Variants in ECRG4 observed in about 807,000 individuals in gnomAD.
The protein encoded by ECRG4 is augurin.
In ECRG4, 18 loss-of-function variants were observed where a neutral mutation model predicts 15.8. The observed-to-expected ratio is 1.14, with a 90% CI of 0.79 to 1.69. ECRG4 has a LOEUF of 1.69. Among genes scored for constraint, ECRG4 ranks in the 40% most tolerant of loss-of-function variants. The probability of loss-of-function intolerance (pLI) is 0.00; values close to 1 mark genes in which losing one functional copy is unlikely to be tolerated. For missense variants in ECRG4, 200 were observed against 190.9 expected, an observed-to-expected ratio of 1.05 and a Z score of -0.28; for synonymous variants, 82 against 73.9, an observed-to-expected ratio of 1.11 and a Z score of -0.56.
intron 2 of ECRG4, among the ~76,000 whole-genome samples, chr2:106,073,443 TA>T (rs1676413568): frequency 6.6e-6 from 1 of 152,176 alleles, no homozygotes; most frequent in South Asian, 2.1e-4. Context: ...TTTTCTTACA[TA>T]ATCTCCTGAG....
upstream of ECRG4, among the ~76,000 whole-genome samples, chr2:106,065,059 T>G (rs1380908117): frequency 6.6e-6 from 1 of 152,100 alleles, no homozygotes; most frequent in Non-Finnish European, 1.5e-5. Context: ...GCTTTTCTAT[T>G]GGAGAAGTTT....
rs763743242 is a variant in ECRG4, at chr2:106,074,048, G to GTGTT, written c.285+6_285+9dup. The GTGTT allele has an allele frequency of 1.1e-5, 18 of 1,610,338 alleles. No individual in the cohort carries two copies. The Admixed American group carries it at 3.0e-4, about 27-fold the overall frequency. ...TACATGGGCTTTGACGAAGCGGTAG[G>GTGTT]TGTTGCCTCCGGCTGCAGGCCTGGC... On this transcript the variant is annotated splice_donor_region_variant and intron_variant, in intron 3 of 3. Coordinates refer to ENST00000238044, the MANE Select transcript of ECRG4 (RefSeq NM_032411.3).
intron 1 of ECRG4, among the ~76,000 whole-genome samples, chr2:106,067,515 G>T (rs1444357158): frequency 2.0e-5 from 3 of 151,582 alleles, no homozygotes; most frequent in Non-Finnish European, 2.9e-5. Context: ...TGTTGCCCAG[G>T]CTGGAGTGTA....
rs776235817 is a variant in ECRG4, at chr2:106,065,785, G to A, written c.21G>A (p.Arg7=). The change falls in exon 1 of 4, where the codon CGG becomes CGA. Residue 7 remains arginine, a synonymous_variant. Coordinates refer to ENST00000238044, the MANE Select transcript of ECRG4 (RefSeq NM_032411.3). MAASPA[R]PAVLALTGLA... is the part of the protein sequence containing the mutation. ...CCGCCATGGCTGCCTCCCCCGCGCG[G>A]CCTGCTGTCCTGGCCCTGACCGGGC... The A allele has an allele frequency of 6.7e-7, 1 of 1,483,308 alleles. No homozygotes were observed. The highest frequency in any genetic ancestry group is 2.9e-5 in the East Asian group (1 of 33,964). 91.9% of individuals were successfully genotyped at this position (1,483,308 alleles called of 1,614,324 possible). A position where few individuals can be genotyped will look rare whatever the true frequency, so the allele number is the denominator to read the frequency against.
chr2:106,070,075 G>A (rs556865763), intron 1 of ECRG4, among the ~76,000 whole-genome samples: 334 of 152,252 alleles, frequency 2.2e-3, no homozygotes, highest in South Asian at 4.6e-3. Flanking sequence ...CCTTCAGTGT[G>A]GTCCCTAGAG....
intron 3 of ECRG4, among the ~76,000 whole-genome samples, chr2:106,075,816 A>G (rs1676476690): frequency 6.6e-6 from 1 of 152,264 alleles, no homozygotes; most frequent in Admixed American, 6.5e-5. Context: ...AAATAAGATT[A>G]CAGTAACTTA....
chr2:106,075,866 C>T (rs1171842772), intron 3 of ECRG4, among the ~76,000 whole-genome samples: 1 of 152,194 alleles, frequency 6.6e-6, no homozygotes, highest in African/African-American at 2.4e-5. Context: ...ATCCAAGTGT[C>T]ACTAGTGGTC....
chr2:106,070,943 G>A (rs1372150862), intron 1 of ECRG4: 1 of 471,312 alleles, frequency 2.1e-6, no homozygotes, highest in Non-Finnish European at 4.4e-6. Flanking sequence ...AGGGTCAGAG[G>A]CTCCTATAGG....
intron 1 of ECRG4, among the ~76,000 whole-genome samples, chr2:106,069,172 TTTC>T (rs1676296476): frequency 2.5e-5 from 2 of 80,352 alleles, no homozygotes; most frequent in Admixed American, 2.8e-4. Context: ...TTCTTTCTTT[TTTC>T]TTTCTTTCTT....
In ECRG4 at chr2:106,073,387, G is replaced by T. The variant is rs367748178; in HGVS notation, c.128-499G>T. The stretch of plus-strand genomic sequence containing the variant: ...GTGTGAGAATCAGCTGTACTGTTGG[G>T]CAGGGTCTGGTCCCTGCTCACCCGG... On this transcript the variant is annotated intron_variant, in intron 2 of 3. Coordinates refer to ENST00000238044, the MANE Select transcript of ECRG4 (RefSeq NM_032411.3). Among the ~76,000 whole-genome samples the T allele has an allele frequency of 3.9e-5, 6 of 152,300 alleles. No individual in the cohort carries two copies. In the East Asian group the frequency reaches 7.7e-4, roughly 20 times the overall value.
intron 1 of ECRG4, among the ~76,000 whole-genome samples, chr2:106,068,862 C>T (rs943180655): frequency 2.6e-5 from 4 of 152,196 alleles, no homozygotes; most frequent in African/African-American, 9.7e-5. Context: ...ACAGTAGTCC[C>T]ACCCCCATCT....
intron 1 of ECRG4, among the ~76,000 whole-genome samples, chr2:106,067,994 C>A (rs1676260940): frequency 9.5e-6 from 1 of 105,606 alleles, no homozygotes; most frequent in Non-Finnish European, 2.0e-5. Flanking sequence ...TGACTCCACG[C>A]CTGGCAATTT....
At chr2:106,075,749 C>T (rs1281942728) in intron 3 of ECRG4, among the ~76,000 whole-genome samples, 1 of 151,800 alleles carries the variant, frequency 6.6e-6, no homozygotes, top group Non-Finnish European at 1.5e-5. Context: ...GAGAGTTTAA[C>T]ATGCAGAAAC....
intron 2 of ECRG4, 148 bp downstream of exon 2, chr2:106,072,039 G>T: frequency 1.6e-6 from 1 of 613,696 alleles, no homozygotes; most frequent in East Asian, 2.8e-5. Flanking sequence ...GGCTTATTCT[G>T]TTGGTATGTG....
intron 1 of ECRG4, among the ~76,000 whole-genome samples, chr2:106,071,371 G>GAAAAA (rs1403990509): frequency 3.7e-5 from 4 of 107,922 alleles, no homozygotes; most frequent in African/African-American, 7.7e-5. Flanking sequence ...GAAAAGAAAA[G>GAAAAA]AAAATAAAAA....
intron 1 of ECRG4, among the ~76,000 whole-genome samples, chr2:106,067,627 G>A (rs1359987810): frequency 7.3e-6 from 1 of 136,386 alleles, no homozygotes; most frequent in Non-Finnish European, 1.6e-5. Flanking sequence ...GTGTCACCAC[G>A]CCCAGCTAAG....
Position 106,067,153 on chromosome 2 carries a change from G to A in ECRG4, c.79+1310G>A, listed in dbSNP as rs890648971. 3.5e-5 allele frequency among the ~76,000 whole-genome samples: 5 copies of A among 143,030 alleles called. No individual in the cohort carries two copies. The Admixed American group carries it at 3.9e-4, about 11-fold the overall frequency. The allele number at this position is 143,030 out of a possible 152,430, so 93.8% of individuals were successfully genotyped here. On this transcript the variant is annotated intron_variant, in intron 1 of 3. Transcript: ENST00000238044. ...CCCGTCTCTACTAAAAATGCCAGACGTGATGGCACGTTCCTGTAATCCCAG... is the reference window on the plus strand; with the variant it reads ...CCCGTCTCTACTAAAAATGCCAGACATGATGGCACGTTCCTGTAATCCCAG...
Position 106,078,088 on chromosome 2 carries a change from C to T in ECRG4, c.*162C>T, listed in dbSNP as rs1013552601. On this transcript the variant is annotated 3_prime_UTR_variant, in exon 4 of 4. Transcript: ENST00000238044. The stretch of plus-strand genomic sequence containing the variant: ...AGAGTTAAAACAACACATGTAAATG[C>T]CTTTTGATATTTCATGGGAATGCCT... The T allele has an allele frequency of 1.4e-5, 7 of 499,672 alleles. No individual in the cohort carries two copies. The highest frequency in any genetic ancestry group is 3.4e-5 in the East Asian group (1 of 29,738). The allele number at this position is 499,672 out of a possible 1,614,324, so 31.0% of individuals were successfully genotyped here.
intron 3 of ECRG4, among the ~76,000 whole-genome samples, chr2:106,077,281 T>G (rs1216375549): frequency 6.6e-6 from 1 of 152,224 alleles, no homozygotes; most frequent in Non-Finnish European, 1.5e-5. Flanking sequence ...CCCCCAGTTC[T>G]CTGCCCTGGC....
Sources: gnomAD v4.1 joint callset for allele counts (sites outside exome capture counted in the v4.1 genomes callset) on GRCh38, gnomAD v4.1.1 for gene constraint, MANE v1.5 for transcripts, NCBI Gene and HGNC (gene_info 2026-07-23, HGNC 2026-07-21) for gene names.